The following COL4A4 variants were observed in gnomAD, a reference collection of about 807,000 sequenced individuals.
The protein encoded by COL4A4 is collagen type IV alpha 4 chain.
COL4A4 carries 105 observed loss-of-function variants against 192.9 expected under a neutral mutation model. That is an observed-to-expected ratio of 0.54 (90% CI 0.46 to 0.64). The LOEUF (loss-of-function observed/expected upper bound fraction) is 0.64. COL4A4 is among the 30% of genes least tolerant of loss of function. The probability of loss-of-function intolerance (pLI) is 0.00; values close to 1 mark genes in which losing one functional copy is unlikely to be tolerated. For synonymous variants in COL4A4, 762 were observed against 769.9 expected (o/e 0.99, Z 0.17); for missense variants, 1,967 against 2,169.3 (o/e 0.91, Z 1.85).
chr2:227,144,367 G>T (rs867920165), intron 3 of COL4A4, 149 bp downstream of exon 3: 31 of 673,640 alleles, frequency 4.6e-5, no homozygotes, highest in African/African-American at 4.6e-4. Context: ...CAATATAAAA[G>T]AAATCTTAGA....
At chr2:227,041,859 AAAGAAAGAAAGAAAGAAAGAAAG>A (rs1559478508) in intron 37 of COL4A4, among the ~76,000 whole-genome samples, 3 of 103,802 alleles carry the variant, frequency 2.9e-5, no homozygotes, top group African/African-American at 1.3e-4. Flanking sequence ...AGAAAGAAAG[AAAGAAAGAAAGAAAGAAAGAAAG>A]AAAGAAAGAA....
chr2:227,091,869 C>T (rs1253141415), intron 20 of COL4A4, among the ~76,000 whole-genome samples: 1 of 151,132 alleles, frequency 6.6e-6, no homozygotes, highest in African/African-American at 2.4e-5. Flanking sequence ...GCACTCCAGC[C>T]TGGGCAAGAG....
chr2:227,108,443 G>T, intron 12 of COL4A4, 138 bp downstream of exon 12: 1 of 799,646 alleles, frequency 1.3e-6, no homozygotes, highest in Non-Finnish European at 2.2e-6. Context: ...ATAATAATTC[G>T]GCAAAGAAAA....
chr2:227,041,846 A>AAGAAAGAGAGAGAGAGAGAG (rs1559478097), intron 37 of COL4A4, among the ~76,000 whole-genome samples: 62 of 39,304 alleles, frequency 1.6e-3, no homozygotes, highest in South Asian at 6.3e-3. Context: ...GAAAGAAAGA[A>AAGAAAGAGAGAGAGAGAGAG]AGAGAAAGAA....
chr2:227,033,073 A>C (rs907197764), intron 38 of COL4A4, among the ~76,000 whole-genome samples: 1 of 152,196 alleles, frequency 6.6e-6, no homozygotes, highest in Non-Finnish European at 1.5e-5. Flanking sequence ...TTAATACAAA[A>C]ATTCTAAAAT....
At chr2:227,044,008 T>C (rs1971956842) in intron 35 of COL4A4, among the ~76,000 whole-genome samples, 1 of 152,192 alleles carries the variant, frequency 6.6e-6, no homozygotes, top group African/African-American at 2.4e-5. Flanking sequence ...TTTCTAAAAA[T>C]TTAAAGCAGT....
chr2:226,995,671 C>T, the COL4A4 span: 1 of 640,232 alleles, frequency 1.6e-6, no homozygotes, highest in African/African-American at 1.8e-5. Context: ...GGGACAGTCC[C>T]ATGGCCCCTA....
At chr2:227,119,142 A>T (rs529426634) in intron 6 of COL4A4, among the ~76,000 whole-genome samples, 1 of 152,032 alleles carries the variant, frequency 6.6e-6, no homozygotes, top group Non-Finnish European at 1.5e-5. Context: ...AAATAAAAAC[A>T]TTCCTTATGA....
intron 37 of COL4A4, among the ~76,000 whole-genome samples, chr2:227,040,952 T>C (rs886378573): frequency 1.3e-5 from 2 of 152,118 alleles, no homozygotes; most frequent in African/African-American, 2.4e-5. Flanking sequence ...TAATGACAAG[T>C]ATTTTATATT....
chr2:227,109,206 C>T lies in COL4A4; in HGVS notation c.657+18G>A. ...AATCTGGTTTTTAAAGGGATCACAT[C>T]AGCAGTGCTGTACTTACCACTAACC... On this transcript the variant is annotated intron_variant, in intron 10 of 47. Coordinates refer to ENST00000396625, the MANE Select transcript of COL4A4 (RefSeq NM_000092.5). 1 of 1,609,992 alleles carries T rather than the reference C, an allele frequency of 6.2e-7. No individual in the cohort carries two copies. The highest frequency in any genetic ancestry group is 8.5e-7 in the Non-Finnish European group (1 of 1,176,208).
At chr2:226,995,707 G>A in the COL4A4 span, 2 of 599,492 alleles carry the variant, frequency 3.3e-6, no homozygotes, top group East Asian at 2.8e-5. Context: ...CTTGCGGGGA[G>A]TGGGCCTTCT....
chr2:226,967,648 A>G, the COL4A4 span, among the ~76,000 whole-genome samples: 5 of 151,426 alleles, frequency 3.3e-5, no homozygotes, highest in African/African-American at 7.3e-5. Flanking sequence ...TGTAGAAGTC[A>G]TTGTTGTAGT....
intron 7 of COL4A4, 58 bp from the exon 8 acceptor site, chr2:227,114,754 T>C: frequency 7.4e-7 from 1 of 1,345,716 alleles, no homozygotes; most frequent in Non-Finnish European, 1.1e-6. Context: ...ATTTCAGTAT[T>C]TTCTTTTCTA....
chr2:227,109,608 G>T, intron 9 of COL4A4: 1 of 413,364 alleles, frequency 2.4e-6, no homozygotes, highest in Non-Finnish European at 4.6e-6. Context: ...TTAGATGGGC[G>T]TGGTGGCAGG....
intron 31 of COL4A4, 58 bp downstream of exon 31, chr2:227,054,536 C>T: frequency 1.3e-6 from 2 of 1,593,566 alleles, no homozygotes; most frequent in Non-Finnish European, 8.6e-7. Context: ...GATCACATTT[C>T]TAGGTTTGGA....
At chr2:227,152,633 T>C (rs535997976) in intron 1 of COL4A4, among the ~76,000 whole-genome samples, 1 of 152,368 alleles carries the variant, frequency 6.6e-6, no homozygotes, top group African/African-American at 2.4e-5. Flanking sequence ...AACAGCAGTG[T>C]GCCTGGCGCT....
At chr2:226,976,906 AC>A in the COL4A4 span, among the ~76,000 whole-genome samples, 1 of 151,222 alleles carries the variant, frequency 6.6e-6, no homozygotes, top group Non-Finnish European at 1.5e-5. Flanking sequence ...ATTTATTTTG[AC>A]CCCCTCCTCC....
chr2:226,995,726 T>G, the COL4A4 span: 1 of 586,734 alleles, frequency 1.7e-6, no homozygotes, highest in East Asian at 2.8e-5. Context: ...CTCCTGGCCT[T>G]GTTCTTGCTC....
At chr2:227,062,485 T>A in intron 26 of COL4A4, 45 bp downstream of exon 26, 1 of 1,208,820 alleles carries the variant, frequency 8.3e-7, no homozygotes, top group Non-Finnish European at 1.2e-6. Context: ...TTTTTTTTTT[T>A]TACTCTGGGA....
Sources: allele counts gnomAD v4.1 joint callset (sites outside exome capture counted in the v4.1 genomes callset), GRCh38; gene constraint gnomAD v4.1.1; transcripts MANE v1.5; gene names NCBI Gene and HGNC (gene_info 2026-07-23, HGNC 2026-07-21).